The following SLC4A1AP variants were observed in gnomAD, a reference collection of about 807,000 sequenced individuals.
SLC4A1AP encodes kanadaptin.
SLC4A1AP carries 64 observed loss-of-function variants against 89.7 expected under a neutral mutation model. The ratio of observed to expected loss-of-function variants is 0.71; its 90% CI spans 0.58 to 0.88. The LOEUF (loss-of-function observed/expected upper bound fraction) is 0.88, where lower values mean the gene tolerates loss of function less well. Ranked by LOEUF, SLC4A1AP falls within the 40% of genes least tolerant of loss-of-function variation. The pLI is 0.00. For missense variants in SLC4A1AP, 931 were observed against 965.0 expected (o/e 0.96, Z 0.47); for synonymous variants, 366 against 353.3 (o/e 1.04, Z -0.40).
At chr2:27,666,242 T>C (rs1040848645) in intron 2 of SLC4A1AP, among the ~76,000 whole-genome samples, 16 of 151,742 alleles carry the variant, frequency 1.1e-4, no homozygotes, top group Non-Finnish European at 1.6e-4. Context: ...TATATTTCTG[T>C]TGGACAGCAC....
Position 27,682,883 on chromosome 2 carries a change from A to C in SLC4A1AP, c.1875+524A>C, listed in dbSNP as rs1300470550. 2.6e-5 allele frequency among the ~76,000 whole-genome samples: 4 copies of C among 152,310 alleles called. No homozygotes were observed. In the East Asian group the frequency reaches 7.7e-4, roughly 29 times the overall value. On this transcript the variant is annotated intron_variant, in intron 9 of 13. Transcript: ENST00000613058. The stretch of plus-strand genomic sequence containing the variant: ...AGAATTGATGAATTAATTTATGCCA[A>C]TCAATTTGCAAGTAAATGGTTTGTA...
intron 10 of SLC4A1AP, among the ~76,000 whole-genome samples, chr2:27,686,018 C>T (rs1280158359): frequency 6.6e-6 from 1 of 152,180 alleles, no homozygotes; most frequent in Non-Finnish European, 1.5e-5. Context: ...CATCCCTTGT[C>T]AACTGCAGGG....
exon 2 of SLC4A1AP, chr2:27,665,142 A>C: frequency 6.2e-7 from 1 of 1,613,838 alleles, no homozygotes; most frequent in Non-Finnish European, 8.5e-7. Context: ...GTTAACAGTA[A>C]CACAGTTGAA....
chr2:27,687,961 A>G (rs1439968883), exon 11 of SLC4A1AP: 2 of 1,613,816 alleles, frequency 1.2e-6, no homozygotes, highest in Non-Finnish European at 1.7e-6. Flanking sequence ...AGCGAGGAAG[A>G]ACAGAATAAA....
rs114376890 is a variant in SLC4A1AP, at chr2:27,664,492, C to T, written c.740C>T (p.Thr247Ile). ...ACCCATGGCACTTTTCTCAACAAAACTCGCATCCCACCTCGCACCTACTGT... is the reference window on the plus strand; with the variant it reads ...ACCCATGGCACTTTTCTCAACAAAATTCGCATCCCACCTCGCACCTACTGT... The change falls in exon 1 of 14, where the codon ACT becomes ATT. Residue 247 changes from threonine to isoleucine, a missense_variant. Transcript: ENST00000613058. The T allele has an allele frequency of 1.2e-5, 20 of 1,614,228 alleles. No homozygotes were observed. The East Asian group carries it at 1.6e-4, about 13-fold the overall frequency.
intron 3 of SLC4A1AP, 89 bp downstream of exon 3, chr2:27,667,479 A>G: frequency 1.6e-6 from 2 of 1,231,234 alleles, no homozygotes; most frequent in East Asian, 2.6e-5. Context: ...ATACTAAGAT[A>G]TGCTATAATT....
chr2:27,689,390 C>T (rs983273290), intron 12 of SLC4A1AP, among the ~76,000 whole-genome samples: 4 of 152,082 alleles, frequency 2.6e-5, no homozygotes, highest in Admixed American at 2.0e-4. Context: ...CAGGTCTCAG[C>T]GTATGATTGT....
intron 8 of SLC4A1AP, among the ~76,000 whole-genome samples, chr2:27,678,812 G>A (rs1167418131): frequency 6.6e-6 from 1 of 150,490 alleles, no homozygotes; most frequent in African/African-American, 2.4e-5. Context: ...TTGACCTCCT[G>A]GGATCAAGTG....
intron 1 of SLC4A1AP, among the ~76,000 whole-genome samples, 153 bp downstream of exon 1, chr2:27,664,730 A>T (rs1675276406): frequency 6.6e-6 from 1 of 152,208 alleles, no homozygotes; most frequent in Non-Finnish European, 1.5e-5. Flanking sequence ...GGCTGTACAC[A>T]TTGCTATATT....
intron 10 of SLC4A1AP, 80 bp from the exon 11 acceptor site, chr2:27,687,854 C>A: frequency 9.6e-7 from 1 of 1,042,392 alleles, no homozygotes; most frequent in African/African-American, 1.6e-5. Flanking sequence ...GCTTCTCTTT[C>A]TCTTGTTTTT....
At chr2:27,671,974 A>G (rs771419916) in intron 5 of SLC4A1AP, among the ~76,000 whole-genome samples, 6 of 152,184 alleles carry the variant, frequency 3.9e-5, no homozygotes, top group South Asian at 2.1e-4. Context: ...GTTGGAAACA[A>G]TTTTTCTTAT....
chr2:27,690,080 C>A (rs1675765480), intron 12 of SLC4A1AP, among the ~76,000 whole-genome samples: 1 of 152,130 alleles, frequency 6.6e-6, no homozygotes, highest in Non-Finnish European at 1.5e-5. Flanking sequence ...TTAATAGAAA[C>A]TGTTCTCTGT....
At chr2:27,690,286 T>A (rs1406242377) in intron 12 of SLC4A1AP, among the ~76,000 whole-genome samples, 1 of 152,100 alleles carries the variant, frequency 6.6e-6, no homozygotes, top group Non-Finnish European at 1.5e-5. Flanking sequence ...ATATGCAATT[T>A]TTTATTCCTC....
intron 5 of SLC4A1AP, among the ~76,000 whole-genome samples, chr2:27,670,098 G>T (rs1675397734): frequency 6.6e-6 from 1 of 152,010 alleles, no homozygotes; most frequent in Non-Finnish European, 1.5e-5. Flanking sequence ...CCCAACCTCA[G>T]GTGATCCACC....
At chr2:27,685,735 A>G (rs1194564706) in intron 10 of SLC4A1AP, among the ~76,000 whole-genome samples, 1 of 152,162 alleles carries the variant, frequency 6.6e-6, no homozygotes, top group African/African-American at 2.4e-5. Flanking sequence ...TGCTTCATTC[A>G]TTTTTGTGTG....
intron 8 of SLC4A1AP, among the ~76,000 whole-genome samples, chr2:27,679,076 G>A (rs1186483554): frequency 1.4e-4 from 21 of 152,102 alleles, no homozygotes; most frequent in Non-Finnish European, 1.5e-5. Flanking sequence ...ATACTGTGCT[G>A]ATGAGGCTGA....
intron 3 of SLC4A1AP, among the ~76,000 whole-genome samples, chr2:27,667,943 G>T (rs543292572): frequency 3.9e-4 from 60 of 152,160 alleles, no homozygotes; most frequent in African/African-American, 1.3e-3. Context: ...AGGCAACTGT[G>T]TTAAAATAAC....
intron 12 of SLC4A1AP, chr2:27,692,005 G>T (rs1223280386): frequency 2.0e-5 from 3 of 151,876 alleles, no homozygotes; most frequent in Admixed American, 6.6e-5. Context: ...TAGAGATGAG[G>T]TCTTGCTATG....
exon 1 of SLC4A1AP, chr2:27,664,559 C>T (rs1572986894): frequency 2.5e-6 from 4 of 1,611,130 alleles, no homozygotes; most frequent in Non-Finnish European, 3.4e-6. Flanking sequence ...GAGGCAGCAC[C>T]CGGCTCTTTA....
Sources: gnomAD v4.1 joint callset for allele counts (sites outside exome capture counted in the v4.1 genomes callset) on GRCh38, gnomAD v4.1.1 for gene constraint, MANE v1.5 for transcripts, NCBI Gene and HGNC (gene_info 2026-07-23, HGNC 2026-07-21) for gene names.